DLG2: variants seen among roughly 807,000 people sequenced by gnomAD.
DLG2 encodes the protein discs large MAGUK scaffold protein 2.
Under a neutral mutation model 132.5 loss-of-function variants are expected in DLG2, and 45 were observed. The ratio of observed to expected loss-of-function variants is 0.34; its 90% CI spans 0.27 to 0.44. The LOEUF is 0.44. Ranked by LOEUF, DLG2 falls within the 20% of genes least tolerant of loss-of-function variation. The pLI is 1.00. For synonymous variants in DLG2, 424 were observed against 419.6 expected (o/e 1.01, Z -0.13); for missense variants, 1,045 against 1,196.9 (o/e 0.87, Z 1.87).
At chr11:84,581,714 C>T (rs1462021940) in intron 6 of DLG2, among the ~76,000 whole-genome samples, 1 of 151,850 alleles carries the variant, frequency 6.6e-6, no homozygotes, top group Non-Finnish European at 1.5e-5. Flanking sequence ...CAAGACCATC[C>T]TGGCCAACAT....
At chr11:84,663,250 T>TA (rs932489716) in intron 6 of DLG2, among the ~76,000 whole-genome samples, 130 of 38,612 alleles carry the variant, frequency 3.4e-3, no homozygotes, top group Admixed American at 0.014. Flanking sequence ...TATATATATA[T>TA]TTTTTTTTCA....
At chr11:84,873,067 C>A (rs192519995) in intron 6 of DLG2, among the ~76,000 whole-genome samples, 1 of 152,258 alleles carries the variant, frequency 6.6e-6, no homozygotes, top group African/African-American at 2.4e-5. Flanking sequence ...TTGCCAGAAC[C>A]TTTGACTATT....
intron 3 of DLG2, among the ~76,000 whole-genome samples, chr11:85,303,502 C>A (rs1056106591): frequency 1.3e-5 from 2 of 152,180 alleles, no homozygotes; most frequent in Admixed American, 1.3e-4. Flanking sequence ...GCAATGTACA[C>A]ATACCCATGT....
chr11:84,296,294 GAT>G (rs1419495586), intron 7 of DLG2, among the ~76,000 whole-genome samples: 1 of 152,072 alleles, frequency 6.6e-6, no homozygotes, highest in African/African-American at 2.4e-5. Context: ...ACAGGCCTGT[GAT>G]ATGATTTTGT....
chr11:84,025,452 A>G (rs1192767816), intron 11 of DLG2, among the ~76,000 whole-genome samples: 3 of 152,158 alleles, frequency 2.0e-5, no homozygotes, highest in African/African-American at 7.2e-5. Flanking sequence ...CTGGATGGGG[A>G]CACAGCCAAA....
chr11:83,854,855 G>A (rs567367886), intron 16 of DLG2, among the ~76,000 whole-genome samples: 12 of 151,598 alleles, frequency 7.9e-5, no homozygotes, highest in South Asian at 4.2e-4. Context: ...GAAAGACAAC[G>A]TCAAGAGAAT....
intron 6 of DLG2, among the ~76,000 whole-genome samples, chr11:84,703,857 G>GAGATATATATATATATATAT (rs1555174775): frequency 2.9e-5 from 3 of 102,714 alleles, no homozygotes; most frequent in African/African-American, 1.2e-4. Flanking sequence ...ATGTAGTGAA[G>GAGATATATATATATATATAT]ATATATATAT....
chr11:84,048,992 A>C (rs1009330289), intron 11 of DLG2, among the ~76,000 whole-genome samples: 1 of 151,732 alleles, frequency 6.6e-6, no homozygotes, highest in African/African-American at 2.4e-5. Flanking sequence ...GTTCATTCTC[A>C]ATAAGACAGC....
At chr11:85,625,565 TAA>T (rs1277993282) in intron 2 of DLG2, among the ~76,000 whole-genome samples, 1 of 152,214 alleles carries the variant, frequency 6.6e-6, no homozygotes, top group Non-Finnish European at 1.5e-5. Flanking sequence ...TCAGTGATTA[TAA>T]GTTTCCTCAA....
intron 4 of DLG2, among the ~76,000 whole-genome samples, chr11:85,195,523 G>GTTT (rs34574453): frequency 1.5e-4 from 20 of 133,712 alleles, no homozygotes; most frequent in Non-Finnish European, 2.6e-4. Flanking sequence ...AAGTGACAGT[G>GTTT]TTTTTTTTTT....
At chr11:85,310,952 GTTAT>G (rs928554602) in intron 3 of DLG2, among the ~76,000 whole-genome samples, 4 of 152,068 alleles carry the variant, frequency 2.6e-5, no homozygotes, top group Admixed American at 6.6e-5. Flanking sequence ...ATTCTATGCT[GTTAT>G]TTATTTGATT....
chr11:84,474,113 T>A (rs1408730031), intron 7 of DLG2, among the ~76,000 whole-genome samples: 2 of 152,034 alleles, frequency 1.3e-5, no homozygotes, highest in African/African-American at 4.8e-5. Flanking sequence ...TCTCTCAACA[T>A]CACCTTTCTC....
chr11:85,013,875 A>G (rs980932034), intron 6 of DLG2, among the ~76,000 whole-genome samples: 1 of 152,154 alleles, frequency 6.6e-6, no homozygotes, highest in African/African-American at 2.4e-5. Flanking sequence ...TTTAAGGTGC[A>G]TGCTATTATG....
intron 6 of DLG2, among the ~76,000 whole-genome samples, chr11:84,837,795 C>A (rs1424874980): frequency 6.6e-6 from 1 of 151,812 alleles, no homozygotes; most frequent in Admixed American, 6.6e-5. Flanking sequence ...AACACTCATT[C>A]CGCAATCTCC....
chr11:83,516,866 G>A (rs1165191184), intron 21 of DLG2, among the ~76,000 whole-genome samples: 1 of 152,206 alleles, frequency 6.6e-6, no homozygotes, highest in Non-Finnish European at 1.5e-5. Flanking sequence ...TCTCTCTTCT[G>A]GCTTGTAGAG....
intron 4 of DLG2, among the ~76,000 whole-genome samples, chr11:85,172,620 G>A (rs1181793712): frequency 6.6e-6 from 1 of 152,176 alleles, no homozygotes; most frequent in Non-Finnish European, 1.5e-5. Flanking sequence ...GGTTGAGATG[G>A]CTGAATTGAC....
intron 6 of DLG2, among the ~76,000 whole-genome samples, chr11:84,738,263 C>G (rs912850460): frequency 6.6e-6 from 1 of 151,738 alleles, no homozygotes; most frequent in Non-Finnish European, 1.5e-5. Context: ...CATCAGGAAC[C>G]TATTTTTCTT....
At chr11:83,722,215 T>C (rs2088777791) in intron 18 of DLG2, among the ~76,000 whole-genome samples, 1 of 152,308 alleles carries the variant, frequency 6.6e-6, no homozygotes, top group South Asian at 2.1e-4. Flanking sequence ...GGGTCAATCA[T>C]AGTTTTTCTC....
chr11:83,665,228 G>C (rs1470445352), intron 18 of DLG2, among the ~76,000 whole-genome samples: 2 of 152,104 alleles, frequency 1.3e-5, no homozygotes, highest in African/African-American at 2.4e-5. Context: ...GGTGTGAGGG[G>C]GAATCTTGCA....
Sources: allele counts gnomAD v4.1 joint callset (sites outside exome capture counted in the v4.1 genomes callset), GRCh38; gene constraint gnomAD v4.1.1; transcripts MANE v1.5; gene names NCBI Gene and HGNC (gene_info 2026-07-23, HGNC 2026-07-21).